RBFOX1: variants seen among roughly 807,000 people sequenced by gnomAD.
RBFOX1 encodes the protein RNA binding protein fox-1 homolog 1.
A neutral mutation model predicts 57.7 loss-of-function variants in RBFOX1; 8 were observed. That is an observed-to-expected ratio of 0.14 (90% CI 0.08 to 0.25). The LOEUF is 0.25. Among genes scored for constraint, RBFOX1 ranks in the 10% least tolerant of loss-of-function variants. The pLI, the probability that RBFOX1 is intolerant of heterozygous loss-of-function variation, is 1.00. For missense variants in RBFOX1, 611 were observed against 548.5 expected (o/e 1.11, Z -1.14); for synonymous variants, 326 against 222.4 (o/e 1.47, Z -4.15).
At chr16:6,443,754 T>G (rs73538163) in intron 2 of RBFOX1, among the ~76,000 whole-genome samples, 1 of 151,346 alleles carries the variant, frequency 6.6e-6, no homozygotes, top group African/African-American at 2.4e-5. Flanking sequence ...CATCTGTCCA[T>G]CTACCCATCT....
chr16:7,351,368 A>T (rs1490464745), intron 4 of RBFOX1, among the ~76,000 whole-genome samples: 1 of 152,266 alleles, frequency 6.6e-6, no homozygotes, highest in Non-Finnish European at 1.5e-5. Context: ...GACATGTATT[A>T]ATCACCACTA....
At chr16:6,032,593 T>C (rs1400159561) in intron 1 of RBFOX1, among the ~76,000 whole-genome samples, 1 of 152,178 alleles carries the variant, frequency 6.6e-6, no homozygotes, top group Non-Finnish European at 1.5e-5. Context: ...GAGAGCAGTG[T>C]CTGGAACAAA....
intron 1 of RBFOX1, among the ~76,000 whole-genome samples, chr16:6,021,299 C>G (rs929880843): frequency 2.0e-5 from 3 of 152,134 alleles, no homozygotes; most frequent in African/African-American, 7.2e-5. Flanking sequence ...CCTTCCCTGC[C>G]CCCTGTCCTA....
intron 1 of RBFOX1, among the ~76,000 whole-genome samples, chr16:5,388,408 C>T (rs1596792740): frequency 1.3e-5 from 2 of 152,136 alleles, no homozygotes; most frequent in African/African-American, 4.8e-5. Flanking sequence ...GTCCAATAGG[C>T]ACAGTCAAGG....
At chr16:5,622,901 A>G (rs1046012614) in intron 3 of RBFOX1, among the ~76,000 whole-genome samples, 1 of 152,248 alleles carries the variant, frequency 6.6e-6, no homozygotes, top group African/African-American at 2.4e-5. Context: ...TTCCTAAACA[A>G]CACAGTATAA....
intron 2 of RBFOX1, among the ~76,000 whole-genome samples, chr16:6,606,991 C>G (rs988718314): frequency 1.4e-4 from 22 of 152,142 alleles, no homozygotes; most frequent in Admixed American, 8.5e-4. Flanking sequence ...AAAAGCATTC[C>G]TATTTCTCCA....
At chr16:7,206,351 A>G (rs1246811515) in intron 4 of RBFOX1, among the ~76,000 whole-genome samples, 1 of 152,090 alleles carries the variant, frequency 6.6e-6, no homozygotes, top group Admixed American at 6.5e-5. Context: ...TTGCCAAGTA[A>G]GCCTAACATA....
intron 3 of RBFOX1, among the ~76,000 whole-genome samples, chr16:5,857,866 G>A (rs2057112341): frequency 6.6e-6 from 1 of 152,130 alleles, no homozygotes; most frequent in Non-Finnish European, 1.5e-5. Flanking sequence ...AGGATCCCTT[G>A]AGCCTGGGAG....
chr16:6,223,643 T>C (rs1470491910), intron 1 of RBFOX1, among the ~76,000 whole-genome samples: 2 of 152,286 alleles, frequency 1.3e-5, no homozygotes, highest in Admixed American at 6.5e-5. Context: ...TTCTCCCATT[T>C]TGTAGGTCGC....
intron 1 of RBFOX1, among the ~76,000 whole-genome samples, chr16:6,076,984 C>G (rs540611612): frequency 2.2e-4 from 33 of 152,260 alleles, no homozygotes; most frequent in Admixed American, 2.0e-3. Context: ...GATCATCATC[C>G]CTGGAGCTTG....
In RBFOX1 at chr16:6,901,296, G is replaced by A. The variant is rs563539334; in HGVS notation, c.-15-150761G>A. Reference sequence around the variant, plus strand: ...CTTCTGTCTAAGCCCATCCCTCTCCGTGGGCTCATTTTAGCAACACGGCAA... The same window carrying A: ...CTTCTGTCTAAGCCCATCCCTCTCCATGGGCTCATTTTAGCAACACGGCAA... On this transcript the variant is annotated intron_variant, in intron 3 of 15. Coordinates refer to ENST00000550418, the MANE Select transcript of RBFOX1 (RefSeq NM_018723.4). Among the ~76,000 whole-genome samples, 11 of 152,278 alleles carry A rather than the reference G, an allele frequency of 7.2e-5. No individual in the cohort carries two copies. In the South Asian group the frequency reaches 1.5e-3, roughly 20 times the overall value.
intron 1 of RBFOX1, among the ~76,000 whole-genome samples, chr16:5,374,235 G>A (rs1285469722): frequency 3.9e-5 from 6 of 152,230 alleles, no homozygotes; most frequent in Non-Finnish European, 1.5e-5. Flanking sequence ...ATTGCACCTG[G>A]CTCGTCAGTT....
intron 3 of RBFOX1, among the ~76,000 whole-genome samples, chr16:7,017,745 C>T (rs758739974): frequency 6.6e-6 from 1 of 152,080 alleles, no homozygotes; most frequent in African/African-American, 2.4e-5. Flanking sequence ...TGTGACAGGC[C>T]AACTTCCAAA....
intron 4 of RBFOX1, among the ~76,000 whole-genome samples, chr16:7,248,401 G>C (rs142631618): frequency 6.6e-6 from 1 of 152,176 alleles, no homozygotes. Flanking sequence ...CATTTGTGCA[G>C]AATCTTCTAG....
At chr16:6,343,620 A>G (rs2084899455) in intron 2 of RBFOX1, among the ~76,000 whole-genome samples, 1 of 152,224 alleles carries the variant, frequency 6.6e-6, no homozygotes, top group African/African-American at 2.4e-5. Context: ...TAAGGTATTC[A>G]TGTTTCCATG....
intron 3 of RBFOX1, among the ~76,000 whole-genome samples, chr16:6,818,460 G>C (rs958770443): frequency 6.6e-6 from 1 of 152,172 alleles, no homozygotes; most frequent in African/African-American, 2.4e-5. Context: ...TTGAATGCCA[G>C]TGAGAGTTTT....
chr16:7,046,251 T>TGC (rs1462237660), intron 3 of RBFOX1, among the ~76,000 whole-genome samples: 3 of 151,532 alleles, frequency 2.0e-5, no homozygotes, highest in African/African-American at 7.3e-5. Context: ...TGTGTGTGTG[T>TGC]GTGTGTGTGT....
chr16:7,141,915 G>A (rs1399819410), intron 4 of RBFOX1, among the ~76,000 whole-genome samples: 6 of 152,114 alleles, frequency 3.9e-5, no homozygotes, highest in African/African-American at 1.4e-4. Flanking sequence ...AATCTGTCAT[G>A]TCAGTCCCCT....
At chr16:6,922,835 A>G (rs1424160756) in intron 3 of RBFOX1, among the ~76,000 whole-genome samples, 1 of 152,200 alleles carries the variant, frequency 6.6e-6, no homozygotes, top group Non-Finnish European at 1.5e-5. Context: ...TGATGGTGTC[A>G]CAGAGCACAT....
Sources: gnomAD v4.1 joint callset for allele counts (sites outside exome capture counted in the v4.1 genomes callset) on GRCh38, gnomAD v4.1.1 for gene constraint, MANE v1.5 for transcripts, NCBI Gene and HGNC (gene_info 2026-07-23, HGNC 2026-07-21) for gene names.